The following COX10 variants were observed in gnomAD, a reference collection of about 807,000 sequenced individuals.
COX10 encodes protoheme IX farnesyltransferase, mitochondrial.
In COX10, 27 loss-of-function variants were observed where a neutral mutation model predicts 37.3. That is an observed-to-expected ratio of 0.72 (90% CI 0.53 to 1.00). The LOEUF is 1.00. Among genes scored for constraint, COX10 ranks in the 50% least tolerant of loss-of-function variants. COX10 has a pLI of 0.00. For missense variants in COX10, 475 were observed against 563.2 expected (o/e 0.84, Z 1.59); for synonymous variants, 222 against 229.1 (o/e 0.97, Z 0.28).
chr17:14,133,301 A>G (rs949351829), intron 4 of COX10, among the ~76,000 whole-genome samples: 16 of 151,682 alleles, frequency 1.1e-4, no homozygotes, highest in African/African-American at 3.6e-4. Flanking sequence ...GCTTTGAGAG[A>G]ACCTGGTTAT....
intron 4 of COX10, among the ~76,000 whole-genome samples, chr17:14,153,313 G>GTGCCA (rs1355700253): frequency 3.3e-5 from 5 of 152,144 alleles, no homozygotes; most frequent in Admixed American, 2.0e-4. Flanking sequence ...TCATCTTTAG[G>GTGCCA]TGCCATTCAT....
At position 14,192,196 on chromosome 17, in the gene COX10, A is replaced by G. The variant is rs746730109; in HGVS notation, c.903A>G (p.Thr301=). The change falls in exon 6 of 7, where the codon ACA becomes ACG. Residue 301 remains threonine (T), a synonymous_variant. Transcript: ENST00000261643. ...CCATCCCGCCTGTCATGGGCTGGAC[A>G]GCGGCCACGGGCAGCCTCGATGCTG... ...VGAIPPVMGW[T]AATGSLDAGA... is the part of the protein sequence containing the mutation. The G allele has an allele frequency of 5.0e-6, 8 of 1,614,122 alleles. No individual in the cohort carries two copies. The highest frequency in any genetic ancestry group is 1.6e-4 in the Middle Eastern group (1 of 6,084).
intron 4 of COX10, among the ~76,000 whole-genome samples, chr17:14,144,300 G>A (rs28634134): frequency 0.13 from 20,045 of 151,924 alleles, 1,422 homozygotes; most frequent in South Asian, 0.17. Flanking sequence ...TGGCATTTTC[G>A]ACTCTGTAGT....
chr17:14,097,233 C>G (rs998676127), intron 3 of COX10, among the ~76,000 whole-genome samples: 2 of 151,810 alleles, frequency 1.3e-5, no homozygotes, highest in East Asian at 1.9e-4. Flanking sequence ...CAATTTTACT[C>G]GTACAATTTA....
intron 4 of COX10, among the ~76,000 whole-genome samples, chr17:14,138,086 G>A (rs1050397941): frequency 6.6e-6 from 1 of 151,258 alleles, no homozygotes; most frequent in African/African-American, 2.4e-5. Flanking sequence ...GGACACACAT[G>A]AATAAAATTT....
At chr17:14,145,563 C>A (rs1904688107) in intron 4 of COX10, among the ~76,000 whole-genome samples, 2 of 151,904 alleles carry the variant, frequency 1.3e-5, no homozygotes, top group Non-Finnish European at 1.5e-5. Context: ...AGGTAAAGAA[C>A]AAGAAAGAAA....
At chr17:14,194,529 C>T (rs534376999) in intron 6 of COX10, among the ~76,000 whole-genome samples, 3 of 152,278 alleles carry the variant, frequency 2.0e-5, no homozygotes, top group East Asian at 3.9e-4. Context: ...TGGGTTCAAG[C>T]GATTCTCCTG....
chr17:14,076,600 G>A (rs184536073), intron 2 of COX10, 135 bp from the exon 3 acceptor site: 63 of 816,436 alleles, frequency 7.7e-5, no homozygotes, highest in South Asian at 3.8e-4. Flanking sequence ...AATACATGCC[G>A]AATTAACAGA....
At chr17:14,074,191 TTCAAAGCTCTG>T in intron 1 of COX10, 121 bp from the exon 2 acceptor site, 1 of 920,526 alleles carries the variant, frequency 1.1e-6, no homozygotes, top group Non-Finnish European at 1.7e-6. Context: ...ATTAGATTAT[TTCAAAGCTCTG>T]ACCCATCACA....
intron 2 of COX10, among the ~76,000 whole-genome samples, chr17:14,076,109 G>GTGTTT (rs1915143208): frequency 1.2e-5 from 1 of 86,028 alleles, no homozygotes; most frequent in Non-Finnish European, 2.2e-5. Context: ...GCTCTTTTTT[G>GTGTTT]TCTTTTTTTT....
chr17:14,157,589 C>T (rs1190101508), intron 4 of COX10, among the ~76,000 whole-genome samples: 2 of 152,212 alleles, frequency 1.3e-5, no homozygotes, highest in Middle Eastern at 3.4e-3. Flanking sequence ...ATGCTGCAGT[C>T]GATAAAAACT....
intron 5 of COX10, among the ~76,000 whole-genome samples, chr17:14,186,307 A>G (rs1164879000): frequency 6.6e-6 from 1 of 151,442 alleles, no homozygotes; most frequent in Non-Finnish European, 1.5e-5. Context: ...CTCTCTTGAC[A>G]CCTCCCACCC....
intron 4 of COX10, among the ~76,000 whole-genome samples, chr17:14,115,466 A>G (rs997654715): frequency 1.3e-5 from 2 of 152,104 alleles, no homozygotes; most frequent in Non-Finnish European, 2.9e-5. Context: ...GGAAAATAAT[A>G]TGGAGATCTC....
chr17:14,205,621 A>T (rs1285727093), intron 6 of COX10, among the ~76,000 whole-genome samples: 1 of 151,876 alleles, frequency 6.6e-6, no homozygotes, highest in Non-Finnish European at 1.5e-5. Context: ...CTGCACAGGA[A>T]TAACCAGCCC....
In COX10 at chr17:14,100,912, G is replaced by T. The variant is rs182624192; in HGVS notation, c.500-1206G>T. Among the ~76,000 whole-genome samples the T allele has an allele frequency of 2.0e-5, 3 of 152,170 alleles. No individual in the cohort carries two copies. The East Asian group carries it at 5.8e-4, about 30-fold the overall frequency. On this transcript the variant is annotated intron_variant, in intron 3 of 6. Coordinates refer to ENST00000261643, the MANE Select transcript of COX10 (RefSeq NM_001303.4). ...TAGGCTAGAAAATTATTTGTTGTTG[G>T]GGGGTGTCCTATGCACCATAAGATG...
intron 3 of COX10, among the ~76,000 whole-genome samples, chr17:14,078,154 G>T (rs531559733): frequency 2.0e-5 from 3 of 152,106 alleles, no homozygotes; most frequent in African/African-American, 7.2e-5. Flanking sequence ...TTGAAAACAT[G>T]TCTCAGTGGT....
intron 5 of COX10, among the ~76,000 whole-genome samples, chr17:14,174,031 T>C (rs1905570247): frequency 6.6e-6 from 1 of 151,966 alleles, no homozygotes; most frequent in Admixed American, 6.6e-5. Context: ...AAACTTCTGC[T>C]CTTCAGAAGA....
At chr17:14,093,101 A>G (rs1915564024) in intron 3 of COX10, among the ~76,000 whole-genome samples, 1 of 152,218 alleles carries the variant, frequency 6.6e-6, no homozygotes, top group Non-Finnish European at 1.5e-5. Flanking sequence ...TATCAAGGAT[A>G]ATGAGATATA....
intron 5 of COX10, among the ~76,000 whole-genome samples, chr17:14,172,730 G>T (rs1247383899): frequency 6.6e-6 from 1 of 151,584 alleles, no homozygotes; most frequent in Non-Finnish European, 1.5e-5. Context: ...GGTGCCAGTC[G>T]CTGGGCCTAG....
Sources: allele counts gnomAD v4.1 joint callset (sites outside exome capture counted in the v4.1 genomes callset), GRCh38; gene constraint gnomAD v4.1.1; transcripts MANE v1.5; gene names NCBI Gene and HGNC (gene_info 2026-07-23, HGNC 2026-07-21).